ZMAT5: variants seen among roughly 807,000 people sequenced by gnomAD.
ZMAT5 encodes the protein zinc finger matrin-type protein 5.
A neutral mutation model predicts 28.0 loss-of-function variants in ZMAT5; 23 were observed. The ratio of observed to expected loss-of-function variants is 0.82; its 90% confidence interval spans 0.59 to 1.16. The LOEUF is 1.16. ZMAT5 is among the 50% of genes most tolerant of loss of function. The pLI, the probability that ZMAT5 is intolerant of heterozygous loss-of-function variation, is 0.00. For missense variants in ZMAT5, 173 were observed against 212.7 expected (o/e 0.81, Z 1.16); for synonymous variants, 76 against 84.1 (o/e 0.90, Z 0.52).
intron 1 of ZMAT5, among the ~76,000 whole-genome samples, chr22:29,754,622 A>C (rs941939418): frequency 5.3e-5 from 8 of 152,280 alleles, no homozygotes; most frequent in African/African-American, 1.9e-4. Context: ...TGTAATCCCA[A>C]CATGTTGGGA....
Position 29,757,949 on chromosome 22 carries a change from G to A in ZMAT5, c.-28+8923C>T, listed in dbSNP as rs5763463. Among the ~76,000 whole-genome samples the A allele has an allele frequency of 0.015, 2,320 of 151,476 alleles. 191 individuals are homozygous for A. The East Asian group carries it at 0.25, about 16-fold the overall frequency. ...GGAGAATTGTTTGAACCTGGGAGAC[G>A]GAGGTTGCAGTGAGCCGAGATCGCC... On this transcript the variant is annotated intron_variant, in intron 1 of 5. Coordinates refer to ENST00000344318, the MANE Select transcript of ZMAT5 (RefSeq NM_001003692.2).
At chr22:29,765,792 C>T (rs2068203776) in intron 1 of ZMAT5, among the ~76,000 whole-genome samples, 1 of 152,184 alleles carries the variant, frequency 6.6e-6, no homozygotes, top group African/African-American at 2.4e-5. Context: ...CACTTGAACC[C>T]GGGAGGCGGA....
intron 5 of ZMAT5, among the ~76,000 whole-genome samples, chr22:29,732,365 G>A (rs915933027): frequency 4.6e-5 from 7 of 152,178 alleles, no homozygotes; most frequent in African/African-American, 1.7e-4. Context: ...CAGGGTTGTG[G>A]GCAGCCATTG....
intron 4 of ZMAT5, among the ~76,000 whole-genome samples, chr22:29,739,721 T>A (rs2067943709): frequency 6.6e-6 from 1 of 152,252 alleles, no homozygotes; most frequent in Non-Finnish European, 1.5e-5. Flanking sequence ...AGGGAAGAGC[T>A]GCAGCTGCCG....
At chr22:29,736,290 C>T (rs1253001964) in intron 5 of ZMAT5, among the ~76,000 whole-genome samples, 2 of 152,202 alleles carry the variant, frequency 1.3e-5, no homozygotes, top group African/African-American at 4.8e-5. Flanking sequence ...AGACGGGACC[C>T]TTCAGACAGG....
At chr22:29,755,873 A>C (rs772564536) in intron 1 of ZMAT5, among the ~76,000 whole-genome samples, 4 of 152,252 alleles carry the variant, frequency 2.6e-5, no homozygotes, top group Non-Finnish European at 4.4e-5. Context: ...AAGGCCCCAC[A>C]GCCAAGGCAC....
intron 2 of ZMAT5, among the ~76,000 whole-genome samples, chr22:29,745,692 TAGTG>T (rs2068002946): frequency 6.6e-6 from 1 of 152,348 alleles, no homozygotes; most frequent in African/African-American, 2.4e-5. Context: ...GCCACAGTGT[TAGTG>T]AGTGACACCT....
chr22:29,738,457 G>T lies in ZMAT5; in HGVS notation c.272-16C>A. 2 of 1,606,430 alleles carry T rather than the reference G, an allele frequency of 1.2e-6. No individual in the cohort carries two copies. Among genetic ancestry groups the T allele is most frequent in the South Asian group, 1.1e-5 (1 of 90,984 alleles). On this transcript the variant is annotated splice_polypyrimidine_tract_variant and intron_variant, in intron 4 of 5. Transcript: ENST00000344318. ...CGCCTCTCCTCTGTGGGGACAGGGAGACAAAGGCAAGTGAGGGGTACACTC... is the reference window on the plus strand; with the variant it reads ...CGCCTCTCCTCTGTGGGGACAGGGATACAAAGGCAAGTGAGGGGTACACTC...
intron 5 of ZMAT5, among the ~76,000 whole-genome samples, chr22:29,732,288 G>A (rs1039263384): frequency 2.6e-5 from 4 of 152,252 alleles, no homozygotes; most frequent in South Asian, 2.1e-4. Flanking sequence ...GGAAGGCAGA[G>A]CCTCAAAAAC....
At chr22:29,755,571 C>G in intron 1 of ZMAT5, among the ~76,000 whole-genome samples, 1 of 151,996 alleles carries the variant, frequency 6.6e-6, no homozygotes, top group East Asian at 1.9e-4. Context: ...CTTTCATTCC[C>G]TTATTTAATC....
chr22:29,737,414 C>T (rs997072736), intron 5 of ZMAT5, among the ~76,000 whole-genome samples: 4 of 152,264 alleles, frequency 2.6e-5, no homozygotes, highest in African/African-American at 7.2e-5. Context: ...GCCTTCACCT[C>T]CTGGCAGAGC....
intron 5 of ZMAT5, among the ~76,000 whole-genome samples, chr22:29,735,077 G>A (rs989756487): frequency 3.9e-5 from 6 of 152,246 alleles, no homozygotes; most frequent in East Asian, 1.9e-4. Flanking sequence ...GTAGCCTTGC[G>A]GGGGCTGGGG....
chr22:29,740,746 A>G lies in ZMAT5; in HGVS notation c.191-16T>C, dbSNP rs1309548767. Reference sequence around the variant, plus strand: ...TCGCACTGGCCTGCAGCAGGAAGACAGAGTTACTCGCTGCTCGGGAGGGGC... The same window carrying G: ...TCGCACTGGCCTGCAGCAGGAAGACGGAGTTACTCGCTGCTCGGGAGGGGC... On this transcript the variant is annotated splice_polypyrimidine_tract_variant and intron_variant, in intron 3 of 5. Transcript: ENST00000344318. 1.3e-6 allele frequency: 2 copies of G among 1,583,446 alleles called. No homozygotes were observed. Among genetic ancestry groups the G allele is most frequent in the Non-Finnish European group, 1.7e-6 (2 of 1,164,626 alleles).
At position 29,738,450 on chromosome 22, in the gene ZMAT5, A is replaced by G. The variant is rs749810517; in HGVS notation, c.272-9T>C. On this transcript the variant is annotated splice_polypyrimidine_tract_variant and intron_variant, in intron 4 of 5. Coordinates refer to ENST00000344318, the MANE Select transcript of ZMAT5 (RefSeq NM_001003692.2). ...CCTGGCTCGCCTCTCCTCTGTGGGG[A>G]CAGGGAGACAAAGGCAAGTGAGGGG... The G allele has an allele frequency of 6.2e-7, 1 of 1,607,422 alleles. No homozygotes were observed. Among genetic ancestry groups the G allele is most frequent in the Non-Finnish European group, 8.5e-7 (1 of 1,178,570 alleles).
At chr22:29,740,438 T>C (rs529851730) in intron 4 of ZMAT5, among the ~76,000 whole-genome samples, 2 of 152,208 alleles carry the variant, frequency 1.3e-5, no homozygotes, top group South Asian at 4.1e-4. Context: ...CAGGCTCCAC[T>C]GTAAGGGGAC....
Position 29,731,140 on chromosome 22 carries a change from T to G in ZMAT5, c.*85A>C. 7.2e-7 allele frequency: 1 copy of G among 1,383,430 alleles called. No individual in the cohort carries two copies. Among genetic ancestry groups the G allele is most frequent in the South Asian group, 1.7e-5 (1 of 58,090 alleles). The allele number at this position is 1,383,430 out of a possible 1,614,324, so 85.7% of individuals were successfully genotyped here. A position where few individuals can be genotyped will look rare whatever the true frequency, so the allele number is the denominator to read the frequency against. ...TGGGCAGATGGTCTCGGAGCCTCCA[T>G]GGGGCGTAGCAGGAACCGGGCTTGG... On this transcript the variant is annotated 3_prime_UTR_variant, in exon 6 of 6. Transcript: ENST00000344318.
intron 5 of ZMAT5, 132 bp from the exon 6 acceptor site, chr22:29,731,486 G>A: frequency 7.8e-7 from 1 of 1,283,400 alleles, no homozygotes; most frequent in Non-Finnish European, 1.0e-6. Flanking sequence ...CTGGAAGGCA[G>A]AGCCTCGAAA....
At chr22:29,762,785 C>T (rs2068170001) in intron 1 of ZMAT5, among the ~76,000 whole-genome samples, 1 of 152,216 alleles carries the variant, frequency 6.6e-6, no homozygotes, top group African/African-American at 2.4e-5. Context: ...AACCATCCCC[C>T]TCCTGTATCC....
At chr22:29,759,140 C>A (rs961803982) in intron 1 of ZMAT5, among the ~76,000 whole-genome samples, 3 of 152,188 alleles carry the variant, frequency 2.0e-5, no homozygotes, top group Non-Finnish European at 2.9e-5. Context: ...GGGCTGGAGA[C>A]AAGTTTCTCA....
Sources: allele counts gnomAD v4.1 joint callset (sites outside exome capture counted in the v4.1 genomes callset), GRCh38; gene constraint gnomAD v4.1.1; transcripts MANE v1.5; gene names NCBI Gene and HGNC (gene_info 2026-07-23, HGNC 2026-07-21).